The following NF1 variants were observed in gnomAD, a reference collection of about 807,000 sequenced individuals.
NF1 encodes the protein neurofibromin.
In NF1, 122 loss-of-function variants were observed where a neutral mutation model predicts 325.7. The observed-to-expected ratio is 0.37, with a 90% CI of 0.32 to 0.44. NF1 has a LOEUF of 0.44. Ranked by LOEUF, NF1 falls within the 20% of genes least tolerant of loss-of-function variation. NF1 has a pLI of 1.00. For missense variants in NF1, 2,140 were observed against 3,415.4 expected (o/e 0.63, Z 9.31); for synonymous variants, 1,091 against 1,186.0 (o/e 0.92, Z 1.65).
chr17:31,117,648 G>A (rs1232507721), intron 1 of NF1, among the ~76,000 whole-genome samples: 1 of 99,516 alleles, frequency 1.0e-5, no homozygotes, highest in Non-Finnish European at 2.0e-5. Context: ...ACTCCAGCCT[G>A]GGTGACAGAG....
intron 36 of NF1, among the ~76,000 whole-genome samples, chr17:31,301,162 T>C: frequency 6.6e-6 from 1 of 152,080 alleles, no homozygotes. Context: ...GTGTGATATT[T>C]AAAAGTTTCA....
chr17:31,205,021 A>G (rs573471467), intron 11 of NF1, among the ~76,000 whole-genome samples: 7 of 152,252 alleles, frequency 4.6e-5, no homozygotes, highest in Admixed American at 2.0e-4. Context: ...ACTGTCCCAA[A>G]AAAGCATTTC....
intron 1 of NF1, among the ~76,000 whole-genome samples, chr17:31,123,506 TA>T (rs1190249219): frequency 6.6e-6 from 1 of 152,198 alleles, no homozygotes; most frequent in African/African-American, 2.4e-5. Flanking sequence ...GCCTAGTCTC[TA>T]ACTTCTAGTC....
At chr17:31,140,867 A>G (rs1374965443) in intron 1 of NF1, among the ~76,000 whole-genome samples, 2 of 152,246 alleles carry the variant, frequency 1.3e-5, no homozygotes, top group Non-Finnish European at 2.9e-5. Context: ...AAAATACTAT[A>G]TAATCTCACT....
At chr17:31,189,333 C>CT (rs36116260) in intron 8 of NF1, among the ~76,000 whole-genome samples, 83,862 of 151,992 alleles carry the variant, frequency 0.55, 26,287 homozygotes, top group Middle Eastern at 0.76. Context: ...TGTCTCCTAG[C>CT]TTTTTTGGTC....
Position 31,273,792 on chromosome 17 carries a change from C to A in NF1, c.4835+8453C>A, listed in dbSNP as rs188178890. Among the ~76,000 whole-genome samples, 596 of 152,238 alleles carry A rather than the reference C, an allele frequency of 3.9e-3. 6 individuals carry two copies. Among genetic ancestry groups the A allele is most frequent in the African/African-American group, 0.014 (567 of 41,552 alleles). On this transcript the variant is annotated intron_variant, in intron 36 of 57. Transcript: ENST00000358273. The stretch of plus-strand genomic sequence containing the variant: ...AGACTTTGGCAGAGATTAAAGAATT[C>A]AAATAAAGTTCTAAAATCTGCTTGC...
chr17:31,148,889 A>G (rs574388348), intron 1 of NF1, among the ~76,000 whole-genome samples: 1 of 152,296 alleles, frequency 6.6e-6, no homozygotes, highest in African/African-American at 2.4e-5. Context: ...ACGTAGTTCT[A>G]AAATGAAATC....
intron 39 of NF1, among the ~76,000 whole-genome samples, chr17:31,333,375 G>C (rs2069555651): frequency 6.6e-6 from 1 of 152,108 alleles, no homozygotes; most frequent in Non-Finnish European, 1.5e-5. Flanking sequence ...CATCAGTAAA[G>C]TGCAAGATCT....
Position 31,095,282 on chromosome 17 carries a change from T to A in NF1, c.-28T>A, listed in dbSNP as rs756130588. The A allele has an allele frequency of 6.8e-5, 104 of 1,533,588 alleles. No individual in the cohort carries two copies. The highest frequency in any genetic ancestry group is 8.5e-5 in the Non-Finnish European group (97 of 1,145,318). 95.0% of individuals were successfully genotyped at this position (1,533,588 alleles called of 1,614,324 possible). On this transcript the variant is annotated 5_prime_UTR_variant, in exon 1 of 58. Transcript: ENST00000358273. ...CCCAGGGCGCCGGCCCACCCTTCCC[T>A]CCGCCGCCCCCCGGCCGCGGGGAGG...
At chr17:31,277,310 C>A (rs940652469) in intron 36 of NF1, among the ~76,000 whole-genome samples, 1 of 152,174 alleles carries the variant, frequency 6.6e-6, no homozygotes, top group Non-Finnish European at 1.5e-5. Flanking sequence ...TCTCACCAAT[C>A]TTCCATTCTT....
chr17:31,214,006 CT>C (rs1195112152), intron 12 of NF1, among the ~76,000 whole-genome samples: 1 of 152,068 alleles, frequency 6.6e-6, no homozygotes, highest in African/African-American at 2.4e-5. Flanking sequence ...AATGATGCAT[CT>C]TACAATTGAT....
intron 12 of NF1, among the ~76,000 whole-genome samples, chr17:31,207,640 A>G (rs956835173): frequency 6.6e-6 from 1 of 152,182 alleles, no homozygotes; most frequent in African/African-American, 2.4e-5. Flanking sequence ...TGTAATGCCA[A>G]GTACTTCACT....
chr17:31,346,002 G>C, intron 48 of NF1: 1 of 1,612,870 alleles, frequency 6.2e-7, no homozygotes, highest in Non-Finnish European at 8.5e-7. Flanking sequence ...GCAGGAGGAT[G>C]ATAAACCCGA....
At chr17:31,307,882 A>G in intron 36 of NF1, 1 of 1,289,042 alleles carries the variant, frequency 7.8e-7, no homozygotes, top group Non-Finnish European at 1.0e-6. Flanking sequence ...GGTTTTACAA[A>G]TTACCTTTTC....
chr17:31,282,259 G>T (rs2068134736), intron 36 of NF1, among the ~76,000 whole-genome samples: 1 of 151,684 alleles, frequency 6.6e-6, no homozygotes, highest in Non-Finnish European at 1.5e-5. Flanking sequence ...GCAGGCACCT[G>T]TAGTCCCAGC....
intron 29 of NF1, among the ~76,000 whole-genome samples, chr17:31,244,633 GT>G (rs1567856402): frequency 2.6e-5 from 4 of 152,140 alleles, no homozygotes. Context: ...TCACTGTGCT[GT>G]CCGTCCCCCA....
chr17:31,368,743 C>T (rs1455122573), intron 57 of NF1, among the ~76,000 whole-genome samples: 1 of 152,188 alleles, frequency 6.6e-6, no homozygotes, highest in Non-Finnish European at 1.5e-5. Flanking sequence ...AAATTCTTCA[C>T]ATAGATTATT....
At chr17:31,250,136 A>G in intron 30 of NF1, 1 of 366,278 alleles carries the variant, frequency 2.7e-6, no homozygotes, top group East Asian at 5.0e-5. Context: ...GTATACATAG[A>G]TGATAAAACA....
intron 36 of NF1, among the ~76,000 whole-genome samples, chr17:31,269,240 A>G (rs940780227): frequency 1.3e-5 from 2 of 152,170 alleles, no homozygotes; most frequent in South Asian, 4.1e-4. Flanking sequence ...GACTCCCTGT[A>G]TAAAGTCCAA....
Sources: allele counts gnomAD v4.1 joint callset (sites outside exome capture counted in the v4.1 genomes callset), GRCh38; gene constraint gnomAD v4.1.1; transcripts MANE v1.5; gene names NCBI Gene and HGNC (gene_info 2026-07-23, HGNC 2026-07-21).